DLG2: variants seen among roughly 807,000 people sequenced by gnomAD.
DLG2 encodes disks large homolog 2.
DLG2 carries 45 observed loss-of-function variants against 132.5 expected under a neutral mutation model. That is an observed-to-expected ratio of 0.34 (90% CI 0.27 to 0.44). The LOEUF (loss-of-function observed/expected upper bound fraction) is 0.44. Among genes scored for constraint, DLG2 ranks in the 20% least tolerant of loss-of-function variants. The pLI is 1.00. For synonymous variants in DLG2, 424 were observed against 419.6 expected, an observed-to-expected ratio of 1.01 and a Z score of -0.13; for missense variants, 1,045 against 1,196.9, an observed-to-expected ratio of 0.87 and a Z score of 1.87.
chr11:85,310,373 A>T (rs1424381491), intron 3 of DLG2, among the ~76,000 whole-genome samples: 1 of 152,220 alleles, frequency 6.6e-6, no homozygotes, highest in Non-Finnish European at 1.5e-5. Context: ...TCATAGAAAT[A>T]GGTTAGCATG....
intron 6 of DLG2, among the ~76,000 whole-genome samples, chr11:84,839,533 C>T (rs2080309426): frequency 6.6e-6 from 1 of 152,046 alleles, no homozygotes; most frequent in African/African-American, 2.4e-5. Context: ...CCCGCATTGC[C>T]AAGACAATCC....
intron 18 of DLG2, among the ~76,000 whole-genome samples, chr11:83,634,631 A>T (rs1032934855): frequency 1.3e-5 from 2 of 152,184 alleles, no homozygotes; most frequent in Non-Finnish European, 2.9e-5. Context: ...AACAAGGATG[A>T]ATGTATACAA....
intron 17 of DLG2, among the ~76,000 whole-genome samples, chr11:83,798,726 C>T (rs563565023): frequency 9.2e-5 from 14 of 152,222 alleles, no homozygotes; most frequent in African/African-American, 3.4e-4. Flanking sequence ...AGGATCCAAA[C>T]TATCTCTACT....
chr11:84,278,367 T>C (rs1286852186), intron 7 of DLG2, among the ~76,000 whole-genome samples: 3 of 152,134 alleles, frequency 2.0e-5, no homozygotes, highest in East Asian at 3.9e-4. Context: ...CAGGCCCAGA[T>C]GGCTTCACTG....
At chr11:85,029,231 C>G (rs911180141) in intron 6 of DLG2, among the ~76,000 whole-genome samples, 1 of 150,758 alleles carries the variant, frequency 6.6e-6, no homozygotes, top group Admixed American at 6.6e-5. Context: ...TTTGGAATAA[C>G]TCCACATAGA....
At chr11:85,173,293 A>G (rs1440749354) in intron 4 of DLG2, among the ~76,000 whole-genome samples, 2 of 152,176 alleles carry the variant, frequency 1.3e-5, no homozygotes, top group East Asian at 1.9e-4. Flanking sequence ...AAACCCTACA[A>G]ACCAGAAGAG....
chr11:85,585,226 C>T (rs539209316), intron 3 of DLG2, among the ~76,000 whole-genome samples: 1 of 152,144 alleles, frequency 6.6e-6, no homozygotes, highest in Non-Finnish European at 1.5e-5. Context: ...ATGTGGCTTG[C>T]CGATTATCCC....
At chr11:84,966,183 C>G (rs1487653456) in intron 6 of DLG2, among the ~76,000 whole-genome samples, 2 of 151,926 alleles carry the variant, frequency 1.3e-5, no homozygotes, top group Non-Finnish European at 2.9e-5. Flanking sequence ...ATCTATCTAT[C>G]TATCTACCAT....
intron 7 of DLG2, among the ~76,000 whole-genome samples, chr11:84,362,877 TA>T (rs2098658337): frequency 6.6e-6 from 1 of 152,206 alleles, no homozygotes; most frequent in Non-Finnish European, 1.5e-5. Context: ...CCATGGTGTA[TA>T]TGTGCCATAT....
chr11:84,788,610 ATATT>A (rs1456281807), intron 6 of DLG2, among the ~76,000 whole-genome samples: 2 of 152,086 alleles, frequency 1.3e-5, no homozygotes, highest in African/African-American at 4.8e-5. Flanking sequence ...CTACTTGTGT[ATATT>A]TATTATAAAT....
intron 11 of DLG2, among the ~76,000 whole-genome samples, chr11:84,009,459 T>A (rs2094762118): frequency 6.6e-6 from 1 of 152,120 alleles, no homozygotes; most frequent in South Asian, 2.1e-4. Flanking sequence ...TGGTATGATT[T>A]TTTTTCTGAT....
At chr11:85,232,171 G>A (rs1049881216) in intron 4 of DLG2, among the ~76,000 whole-genome samples, 9 of 151,850 alleles carry the variant, frequency 5.9e-5, no homozygotes, top group African/African-American at 2.2e-4. Context: ...CTTGTTTCAG[G>A]GATCACAGTC....
At chr11:84,361,058 G>A (rs1298906795) in intron 7 of DLG2, among the ~76,000 whole-genome samples, 2 of 151,890 alleles carry the variant, frequency 1.3e-5, no homozygotes, top group African/African-American at 4.8e-5. Context: ...AATAGTGACG[G>A]AAACTGTTTA....
chr11:83,792,037 A>G (rs907999549), intron 17 of DLG2, among the ~76,000 whole-genome samples: 1 of 152,230 alleles, frequency 6.6e-6, no homozygotes, highest in Admixed American at 6.5e-5. Flanking sequence ...TCATTGAGCA[A>G]TGTATCTTGG....
At chr11:85,470,088 GC>G (rs1304410387) in intron 3 of DLG2, among the ~76,000 whole-genome samples, 1 of 150,838 alleles carries the variant, frequency 6.6e-6, no homozygotes, top group African/African-American at 2.4e-5. Flanking sequence ...ATCTCACCAA[GC>G]TTTTGCATTT....
chr11:83,688,718 G>C (rs116523426), intron 18 of DLG2, among the ~76,000 whole-genome samples: 1 of 152,166 alleles, frequency 6.6e-6, no homozygotes, highest in Non-Finnish European at 1.5e-5. Flanking sequence ...TGGTATGATT[G>C]TGTGTACCTT....
At chr11:84,789,989 A>T (rs1244726422) in intron 6 of DLG2, among the ~76,000 whole-genome samples, 1 of 152,188 alleles carries the variant, frequency 6.6e-6, no homozygotes, top group Admixed American at 6.5e-5. Flanking sequence ...TGATCTGTTC[A>T]TGAACACTTA....
chr11:84,532,664 T>C (rs74971723), intron 7 of DLG2, among the ~76,000 whole-genome samples: 2 of 152,060 alleles, frequency 1.3e-5, no homozygotes, highest in Non-Finnish European at 2.9e-5. Flanking sequence ...CTTGGCTAAT[T>C]TGTTAAATTT....
intron 17 of DLG2, 26 bp from the exon 18 acceptor site, chr11:83,786,818 T>G: frequency 6.2e-7 from 1 of 1,606,748 alleles, no homozygotes; most frequent in Non-Finnish European, 8.5e-7. Flanking sequence ...CCAGAGAATC[T>G]TGGTATTTCA....
Sources: allele counts gnomAD v4.1 joint callset (sites outside exome capture counted in the v4.1 genomes callset), GRCh38; gene constraint gnomAD v4.1.1; transcripts MANE v1.5; gene names NCBI Gene and HGNC (gene_info 2026-07-23, HGNC 2026-07-21).